PURA: variants seen among roughly 807,000 people sequenced by gnomAD.
PURA encodes purine rich element binding protein A, also known as transcriptional activator protein Pur-alpha.
A neutral mutation model predicts 23.1 loss-of-function variants in PURA; 2 were observed. That is an observed-to-expected ratio of 0.09 (90% CI 0.04 to 0.27). PURA has a LOEUF of 0.27. Among genes scored for constraint, PURA ranks in the 10% least tolerant of loss-of-function variants. The probability of loss-of-function intolerance (pLI) is 1.00; values close to 1 mark genes in which losing one functional copy is unlikely to be tolerated. For missense variants in PURA, 187 were observed against 449.7 expected, an observed-to-expected ratio of 0.42 and a Z score of 5.28; for synonymous variants, 254 against 205.9, an observed-to-expected ratio of 1.23 and a Z score of -2.00.
Position 140,114,748 on chromosome 5 carries a change from G to T in PURA, c.567G>T (p.Ala189=). Residue 189 remains alanine (A), a synonymous_variant, in exon 1 of 1, where the codon GCG becomes GCT. Coordinates refer to ENST00000331327, the MANE Select transcript of PURA (RefSeq NM_005859.5). ...GLGSTQGQTI[A]LPAQGLIEFR... ...GCTCCACGCAGGGCCAGACCATTGCGCTGCCCGCGCAGGGGCTCATCGAGT... is the reference window on the plus strand; with the variant it reads ...GCTCCACGCAGGGCCAGACCATTGCTCTGCCCGCGCAGGGGCTCATCGAGT... The T allele has an allele frequency of 6.2e-7, 1 of 1,612,574 alleles. No homozygotes were observed. Among genetic ancestry groups the T allele is most frequent in the Non-Finnish European group, 8.5e-7 (1 of 1,179,336 alleles).
rs1227437478 is a variant in PURA at position 140,115,248 on chromosome 5, A to G, written c.*98A>G. On this transcript the variant is annotated 3_prime_UTR_variant, in exon 1 of 1. Coordinates refer to ENST00000331327, the MANE Select transcript of PURA (RefSeq NM_005859.5). This position sits in a 1 kb window ranked among gnomAD's most constrained non-coding sequence, Gnocchi z 4.1. ...TACTGTAAAGAAAGAGAGAAAATAA[A>G]AAGTTAAAAAGTTAAAAAAAAAAAA... 24 of 803,076 alleles carry G rather than the reference A, an allele frequency of 3.0e-5. 1 individual carries two copies. The East Asian group carries it at 7.4e-4, about 25-fold the overall frequency. The allele number at this position is 803,076 out of a possible 1,614,324, so 49.7% of individuals were successfully genotyped here. A position where few individuals can be genotyped will look rare whatever the true frequency, so the allele number is the denominator to read the frequency against.
In PURA at chr5:140,124,848, G is replaced by A. The variant is rs990609714; in HGVS notation, c.*9698G>A. 4 of 166,676 alleles carry A rather than the reference G, an allele frequency of 2.4e-5. No homozygotes were observed. The highest frequency in any genetic ancestry group is 9.7e-5 in the African/African-American group (4 of 41,342). 10.3% of individuals were successfully genotyped at this position (166,676 alleles called of 1,614,324 possible). On this transcript the variant is annotated 3_prime_UTR_variant, in exon 1 of 1. Coordinates refer to ENST00000331327, the MANE Select transcript of PURA (RefSeq NM_005859.5). ...TTGGAGACAAAATTTACCACATATC[G>A]AAAATGAAAAAAATTTAGAAAGCGA...
Position 140,115,135 on chromosome 5 carries a change from A to G in PURA, c.954A>G (p.Glu318=). 1.3e-6 allele frequency: 2 copies of G among 1,558,782 alleles called. No homozygotes were observed. Among genetic ancestry groups the G allele is most frequent in the Non-Finnish European group, 8.7e-7 (1 of 1,152,326 alleles). ...CCCTGCTACTGCAGGGTGAGGAAGA[A>G]GGGGAAGAAGATTGATCAAACTGAA... ...AATLLLQGEE[E]GEED Residue 318 remains glutamate, a synonymous_variant, in exon 1 of 1, where the codon GAA becomes GAG. Transcript: ENST00000331327. The surrounding 1 kb of genome is among the most constrained non-coding windows in gnomAD (Gnocchi z 4.1).
At position 140,115,190 on chromosome 5, in the gene PURA, C is replaced by A; in HGVS notation, c.*40C>A. 1.2e-6 allele frequency: 1 copy of A among 848,976 alleles called. No individual in the cohort carries two copies. The highest frequency in any genetic ancestry group is 1.7e-6 in the Non-Finnish European group (1 of 583,130). 52.6% of individuals were successfully genotyped at this position (848,976 alleles called of 1,614,324 possible). A position where few individuals can be genotyped will look rare whatever the true frequency, so the allele number is the denominator to read the frequency against. On this transcript the variant is annotated 3_prime_UTR_variant, in exon 1 of 1. Transcript: ENST00000331327. This position sits in a 1 kb window ranked among gnomAD's most constrained non-coding sequence, Gnocchi z 4.1. The stretch of plus-strand genomic sequence containing the variant: ...ACCCCCACACACACACACATGCATA[C>A]ACACACACACACAGCCACACACACA...
rs1262043978 is a variant in PURA at position 140,123,569 on chromosome 5, A to G, written c.*8419A>G. 1.8e-5 allele frequency: 3 copies of G among 166,416 alleles called. No homozygotes were observed. The highest frequency in any genetic ancestry group is 7.2e-5 in the African/African-American group (3 of 41,460). The allele number at this position is 166,416 out of a possible 1,614,324, so 10.3% of individuals were successfully genotyped here. A position where few individuals can be genotyped will look rare whatever the true frequency, so the allele number is the denominator to read the frequency against. On this transcript the variant is annotated 3_prime_UTR_variant, in exon 1 of 1. Coordinates refer to ENST00000331327, the MANE Select transcript of PURA (RefSeq NM_005859.5). ...ATTAAAAATATTTTATAAGGCCAAG[A>G]AAATATTTCTTAATGTTAGCTGTAT...
rs1424641332 is a variant in PURA at position 140,122,184 on chromosome 5, A to C, written c.*7034A>C. The stretch of plus-strand genomic sequence containing the variant: ...CAAATTAGCACAATTGTGGAATGAC[A>C]GCTTTTCTGGTCAAGGCAAGTGGAT... On this transcript the variant is annotated 3_prime_UTR_variant, in exon 1 of 1. Coordinates refer to ENST00000331327, the MANE Select transcript of PURA (RefSeq NM_005859.5). 6.0e-6 allele frequency: 1 copy of C among 166,916 alleles called. No individual in the cohort carries two copies. Among genetic ancestry groups the C allele is most frequent in the Non-Finnish European group, 1.5e-5 (1 of 68,006 alleles). The allele number at this position is 166,916 out of a possible 1,614,324, so 10.3% of individuals were successfully genotyped here.
At position 140,116,736 on chromosome 5, in the gene PURA, A is replaced by G. The variant is rs1333442774; in HGVS notation, c.*1586A>G. 4 of 166,342 alleles carry G rather than the reference A, an allele frequency of 2.4e-5. No individual in the cohort carries two copies. Among genetic ancestry groups the G allele is most frequent in the Admixed American group, 6.6e-5 (1 of 15,254 alleles). 10.3% of individuals were successfully genotyped at this position (166,342 alleles called of 1,614,324 possible). A position where few individuals can be genotyped will look rare whatever the true frequency, so the allele number is the denominator to read the frequency against. ...ATCATTAAACTGCTGCATGACTATC[A>G]TCTTTGAGTGAAGAGAAAATGTTAT... On this transcript the variant is annotated 3_prime_UTR_variant, in exon 1 of 1. Transcript: ENST00000331327.
Position 140,121,290 on chromosome 5 carries a change from A to T in PURA, c.*6140A>T, listed in dbSNP as rs1763150474. 1 of 166,918 alleles carries T rather than the reference A, an allele frequency of 6.0e-6. No homozygotes were observed. Among genetic ancestry groups the T allele is most frequent in the African/African-American group, 2.4e-5 (1 of 41,426 alleles). 10.3% of individuals were successfully genotyped at this position (166,918 alleles called of 1,614,324 possible). ...ATTAACACAGAAGGATCCTAGGAGG[A>T]TTTAAGAAAATATGTCCTTATCGTG... is the stretch of plus-strand genomic sequence containing the variant. On this transcript the variant is annotated 3_prime_UTR_variant, in exon 1 of 1. Coordinates refer to ENST00000331327, the MANE Select transcript of PURA (RefSeq NM_005859.5).
rs549504210 is a variant in PURA at position 140,118,604 on chromosome 5, C to T, written c.*3454C>T. On this transcript the variant is annotated 3_prime_UTR_variant, in exon 1 of 1. Transcript: ENST00000331327. ...AAGAAAAGCCATGTCGGCTTTTCCT[C>T]TACTAGATACAGATTGGAGGTAGAT... 6.0e-6 allele frequency: 1 copy of T among 166,814 alleles called. No homozygotes were observed. Among genetic ancestry groups the T allele is most frequent in the Non-Finnish European group, 1.5e-5 (1 of 68,054 alleles). 10.3% of individuals were successfully genotyped at this position (166,814 alleles called of 1,614,324 possible). A position where few individuals can be genotyped will look rare whatever the true frequency, so the allele number is the denominator to read the frequency against.
rs1392697197 is a variant in PURA at position 140,118,783 on chromosome 5, G to A, written c.*3633G>A. 1 of 166,930 alleles carries A rather than the reference G, an allele frequency of 6.0e-6. No homozygotes were observed. The highest frequency in any genetic ancestry group is 2.4e-5 in the African/African-American group (1 of 41,460). The allele number at this position is 166,930 out of a possible 1,614,324, so 10.3% of individuals were successfully genotyped here. The stretch of plus-strand genomic sequence containing the variant: ...TTTCTAGTTGTCCCATGCAGGGGTT[G>A]AAATTTGATTCCAAGCGGAAAGTAT... On this transcript the variant is annotated 3_prime_UTR_variant, in exon 1 of 1. Transcript: ENST00000331327.
Position 140,125,125 on chromosome 5 carries a change from C to T in PURA, c.*9975C>T, listed in dbSNP as rs1426651413. 2.4e-5 allele frequency: 4 copies of T among 166,738 alleles called. No homozygotes were observed. The highest frequency in any genetic ancestry group is 2.0e-4 in the Admixed American group (3 of 15,224). The allele number at this position is 166,738 out of a possible 1,614,324, so 10.3% of individuals were successfully genotyped here. A position where few individuals can be genotyped will look rare whatever the true frequency, so the allele number is the denominator to read the frequency against. On this transcript the variant is annotated 3_prime_UTR_variant, in exon 1 of 1. Coordinates refer to ENST00000331327, the MANE Select transcript of PURA (RefSeq NM_005859.5). The stretch of plus-strand genomic sequence containing the variant: ...ATAATCTGATGACAGTGTGATGGAT[C>T]CTCTACCCAAGAAAAAAAAAATGCC...
At position 140,116,354 on chromosome 5, in the gene PURA, AT is replaced by A. The variant is rs1435201005; in HGVS notation, c.*1205del. Reference sequence around the variant, plus strand: ...AAAGCAGAGCAACACAATTATAGTTATCCTACTGAGCCATGGATTCTGAGTT... The same window carrying A: ...AAAGCAGAGCAACACAATTATAGTTACCTACTGAGCCATGGATTCTGAGTT... On this transcript the variant is annotated 3_prime_UTR_variant, in exon 1 of 1. Coordinates refer to ENST00000331327, the MANE Select transcript of PURA (RefSeq NM_005859.5). 2.4e-5 allele frequency: 4 copies of A among 167,080 alleles called. No homozygotes were observed. The highest frequency in any genetic ancestry group is 5.9e-5 in the Non-Finnish European group (4 of 68,112). 10.3% of individuals were successfully genotyped at this position (167,080 alleles called of 1,614,324 possible).
rs1209732420 is a variant in PURA, at chr5:140,116,493, A to G, written c.*1343A>G. ...AAGTGTATTTGTGTTCCCCAAGTGT[A>G]CAAGCCTTCTATCAAAAGTATGTTC... On this transcript the variant is annotated 3_prime_UTR_variant, in exon 1 of 1. Coordinates refer to ENST00000331327, the MANE Select transcript of PURA (RefSeq NM_005859.5). 3.6e-5 allele frequency: 6 copies of G among 167,166 alleles called. No individual in the cohort carries two copies. In the South Asian group the frequency reaches 8.3e-4, roughly 23 times the overall value. The allele number at this position is 167,166 out of a possible 1,614,324, so 10.4% of individuals were successfully genotyped here.
rs1309217643 is a variant in PURA, at chr5:140,117,600, A to G, written c.*2450A>G. 6.0e-6 allele frequency: 1 copy of G among 167,082 alleles called. No homozygotes were observed. The highest frequency in any genetic ancestry group is 6.5e-5 in the Admixed American group (1 of 15,288). 10.3% of individuals were successfully genotyped at this position (167,082 alleles called of 1,614,324 possible). A position where few individuals can be genotyped will look rare whatever the true frequency, so the allele number is the denominator to read the frequency against. On this transcript the variant is annotated 3_prime_UTR_variant, in exon 1 of 1. Transcript: ENST00000331327. ...AGTGCAAGTCAACAAAAACACAGCA[A>G]ACTTAGGCAAAGTGTCCTTTCTTTG...
At position 140,121,878 on chromosome 5, in the gene PURA, G is replaced by A. The variant is rs1763156447; in HGVS notation, c.*6728G>A. 6.0e-6 allele frequency: 1 copy of A among 166,784 alleles called. No individual in the cohort carries two copies. The highest frequency in any genetic ancestry group is 2.4e-5 in the African/African-American group (1 of 41,414). 10.3% of individuals were successfully genotyped at this position (166,784 alleles called of 1,614,324 possible). A position where few individuals can be genotyped will look rare whatever the true frequency, so the allele number is the denominator to read the frequency against. On this transcript the variant is annotated 3_prime_UTR_variant, in exon 1 of 1. Coordinates refer to ENST00000331327, the MANE Select transcript of PURA (RefSeq NM_005859.5). ...TAGGACGAGGAGAGCTGTTTAATGT[G>A]TTTGTGGATGGGGGTTTGAGAGGTA... is the stretch of plus-strand genomic sequence containing the variant.
chr5:140,119,919 G>C lies in PURA; in HGVS notation c.*4769G>C, dbSNP rs554943765. 1.8e-5 allele frequency: 3 copies of C among 166,548 alleles called. No homozygotes were observed. In the South Asian group the frequency reaches 6.2e-4, roughly 35 times the overall value. 10.3% of individuals were successfully genotyped at this position (166,548 alleles called of 1,614,324 possible). A position where few individuals can be genotyped will look rare whatever the true frequency, so the allele number is the denominator to read the frequency against. On this transcript the variant is annotated 3_prime_UTR_variant, in exon 1 of 1. Coordinates refer to ENST00000331327, the MANE Select transcript of PURA (RefSeq NM_005859.5). Reference sequence around the variant, plus strand: ...TTTTAGAATGGGGCTATCTGAAATTGATGGTCTAGTAGCTTTCATAGCTCC... The same window carrying C: ...TTTTAGAATGGGGCTATCTGAAATTCATGGTCTAGTAGCTTTCATAGCTCC...
In PURA at chr5:140,116,080, C is replaced by T. The variant is rs1342502723; in HGVS notation, c.*930C>T. 6.0e-6 allele frequency: 1 copy of T among 167,068 alleles called. No homozygotes were observed. Among genetic ancestry groups the T allele is most frequent in the African/African-American group, 2.4e-5 (1 of 41,458 alleles). The allele number at this position is 167,068 out of a possible 1,614,324, so 10.3% of individuals were successfully genotyped here. A position where few individuals can be genotyped will look rare whatever the true frequency, so the allele number is the denominator to read the frequency against. On this transcript the variant is annotated 3_prime_UTR_variant, in exon 1 of 1. Coordinates refer to ENST00000331327, the MANE Select transcript of PURA (RefSeq NM_005859.5). ...CATAATATTTTTCTGCATCTGTTTG[C>T]TTTGACTGAGTAGGCGTTTTGTCAT...
In PURA at chr5:140,120,635, A is replaced by T. The variant is rs1353179010; in HGVS notation, c.*5485A>T. On this transcript the variant is annotated 3_prime_UTR_variant, in exon 1 of 1. Transcript: ENST00000331327. ...AGAAATTTCATTACAGGCTAAGTGA[A>T]AATAAGCCAGAATTAGCATGAGTCA... 6.1e-6 allele frequency: 1 copy of T among 164,936 alleles called. No individual in the cohort carries two copies. The highest frequency in any genetic ancestry group is 1.5e-5 in the Non-Finnish European group (1 of 67,940). 10.2% of individuals were successfully genotyped at this position (164,936 alleles called of 1,614,324 possible). A position where few individuals can be genotyped will look rare whatever the true frequency, so the allele number is the denominator to read the frequency against.
Position 140,114,181 on chromosome 5 carries a change from C to A in PURA, c.-1C>A. 1 of 766,982 alleles carries A rather than the reference C, an allele frequency of 1.3e-6. No individual in the cohort carries two copies. Among genetic ancestry groups the A allele is most frequent in the Non-Finnish European group, 1.7e-6 (1 of 576,346 alleles). 47.5% of individuals were successfully genotyped at this position (766,982 alleles called of 1,614,324 possible). A position where few individuals can be genotyped will look rare whatever the true frequency, so the allele number is the denominator to read the frequency against. On this transcript the variant is annotated 5_prime_UTR_variant, in exon 1 of 1. Coordinates refer to ENST00000331327, the MANE Select transcript of PURA (RefSeq NM_005859.5). The stretch of plus-strand genomic sequence containing the variant: ...GCGGCGCGGCAGCGGAGCGCAGCAT[C>A]ATGGCGGACCGAGACAGCGGCAGCG...
Sources: allele counts gnomAD v4.1 joint callset, GRCh38; gene constraint gnomAD v4.1.1; non-coding constraint Gnocchi (gnomAD v3.1); transcripts MANE v1.5; gene names NCBI Gene and HGNC (gene_info 2026-07-23, HGNC 2026-07-21).